Variants in NTM observed in about 807,000 individuals in gnomAD.
NTM encodes IgLON family member 2.
Under a neutral mutation model 42.1 loss-of-function variants are expected in NTM, and 13 were observed. That is an observed-to-expected ratio of 0.31 (90% confidence interval 0.20 to 0.49). The LOEUF is 0.49. Ranked by LOEUF, NTM falls within the 20% of genes least tolerant of loss-of-function variation. The pLI is 0.99. For missense variants in NTM, 373 were observed against 452.8 expected (o/e 0.82, Z 1.60); for synonymous variants, 187 against 179.2 (o/e 1.04, Z -0.35).
At chr11:131,668,163 T>C (rs1049631156) in intron 1 of NTM, among the ~76,000 whole-genome samples, 8 of 152,136 alleles carry the variant, frequency 5.3e-5, no homozygotes, top group Non-Finnish European at 1.2e-4. Flanking sequence ...GGGCTGTTAG[T>C]GTCTATATTA....
At chr11:132,021,956 A>G (rs1295945365) in intron 2 of NTM, among the ~76,000 whole-genome samples, 1 of 152,230 alleles carries the variant, frequency 6.6e-6, no homozygotes, top group Non-Finnish European at 1.5e-5. Context: ...GTGTGTTTGC[A>G]TGCAGATTTG....
chr11:131,894,565 C>T (rs974712374), intron 1 of NTM, among the ~76,000 whole-genome samples: 3 of 152,120 alleles, frequency 2.0e-5, no homozygotes, highest in Non-Finnish European at 2.9e-5. Context: ...TCAGATGTGC[C>T]GTGACACTGC....
At chr11:131,992,498 A>G (rs1027855150) in intron 2 of NTM, among the ~76,000 whole-genome samples, 19 of 151,976 alleles carry the variant, frequency 1.3e-4, no homozygotes, top group African/African-American at 4.3e-4. Flanking sequence ...TGAACATAAG[A>G]CTACAACTTT....
At chr11:131,377,845 G>A (rs916253115) in intron 1 of NTM, among the ~76,000 whole-genome samples, 2 of 152,160 alleles carry the variant, frequency 1.3e-5, no homozygotes, top group African/African-American at 2.4e-5. Context: ...TTTCCATCAC[G>A]GTGGTGGTGA....
intron 2 of NTM, among the ~76,000 whole-genome samples, chr11:131,927,214 A>C (rs550454506): frequency 2.0e-4 from 31 of 152,248 alleles, no homozygotes; most frequent in African/African-American, 7.0e-4. Flanking sequence ...TTTGTGGCTG[A>C]AAATTTAACA....
chr11:131,916,859 C>T (rs921494893), intron 2 of NTM, among the ~76,000 whole-genome samples: 7 of 152,224 alleles, frequency 4.6e-5, no homozygotes, highest in Non-Finnish European at 1.0e-4. Flanking sequence ...CTTATTCCAG[C>T]TGCAAAGCGT....
intron 1 of NTM, chr11:131,385,165 A>ATCCCCTG (rs1265980419): frequency 6.6e-6 from 1 of 152,210 alleles, no homozygotes; most frequent in African/African-American, 2.4e-5. Context: ...GAGACTCACA[A>ATCCCCTG]TCCCCTGTGG....
intron 1 of NTM, among the ~76,000 whole-genome samples, chr11:131,423,199 T>G (rs547083772): frequency 9.2e-5 from 14 of 152,344 alleles, no homozygotes; most frequent in African/African-American, 3.4e-4. Flanking sequence ...TCCTTTCACT[T>G]ATTACTTAGA....
At chr11:131,404,280 T>C (rs1945568930) in intron 1 of NTM, among the ~76,000 whole-genome samples, 1 of 152,232 alleles carries the variant, frequency 6.6e-6, no homozygotes, top group Non-Finnish European at 1.5e-5. Flanking sequence ...CCAAGTGCAG[T>C]GCTCAATTTC....
chr11:131,781,372 A>G (rs1337855336), intron 1 of NTM, among the ~76,000 whole-genome samples: 1 of 152,174 alleles, frequency 6.6e-6, no homozygotes, highest in Non-Finnish European at 1.5e-5. Context: ...TAATATTCAA[A>G]TAATAAATAA....
At chr11:131,678,846 G>C (rs879389673) in intron 1 of NTM, among the ~76,000 whole-genome samples, 48 of 152,260 alleles carry the variant, frequency 3.2e-4, no homozygotes, top group Non-Finnish European at 5.9e-5. Flanking sequence ...AAGGCTGTCC[G>C]GGACGGGGCC....
intron 2 of NTM, among the ~76,000 whole-genome samples, chr11:132,014,155 C>G (rs1303349181): frequency 1.3e-5 from 2 of 152,052 alleles, no homozygotes; most frequent in Non-Finnish European, 1.5e-5. Flanking sequence ...ATTTGTCTTT[C>G]TGTGCCTGAC....
intron 1 of NTM, among the ~76,000 whole-genome samples, chr11:131,668,679 T>C (rs1206318971): frequency 6.6e-6 from 1 of 152,166 alleles, no homozygotes; most frequent in African/African-American, 2.4e-5. Flanking sequence ...TTTCTCCCTG[T>C]CATTGAACTC....
chr11:131,678,252 C>T (rs140171277), intron 1 of NTM, among the ~76,000 whole-genome samples: 56 of 152,348 alleles, frequency 3.7e-4, no homozygotes, highest in Middle Eastern at 3.4e-3. Flanking sequence ...ACACCCTGGG[C>T]ACTCGTGAGT....
chr11:131,982,575 C>T (rs190405024), intron 2 of NTM, among the ~76,000 whole-genome samples: 1 of 152,018 alleles, frequency 6.6e-6, no homozygotes, highest in Admixed American at 6.5e-5. Context: ...GGGTCTGTCC[C>T]GTGTATGTGC....
intron 7 of NTM, among the ~76,000 whole-genome samples, chr11:132,318,341 T>C (rs2095483358): frequency 6.6e-6 from 1 of 152,144 alleles, no homozygotes; most frequent in Non-Finnish European, 1.5e-5. Context: ...CAACAGTCAA[T>C]GGAGAATGCA....
chr11:131,743,727 C>T (rs1052041541), intron 1 of NTM, among the ~76,000 whole-genome samples: 5 of 152,146 alleles, frequency 3.3e-5, no homozygotes, highest in Admixed American at 6.6e-5. Context: ...AATAGGAGGT[C>T]GTGTGAAACA....
At chr11:131,634,635 C>A (rs1282798191) in intron 1 of NTM, among the ~76,000 whole-genome samples, 3 of 89,920 alleles carry the variant, frequency 3.3e-5, no homozygotes, top group African/African-American at 6.2e-5. Flanking sequence ...CAAGGACAAC[C>A]CACTAGAAAA....
chr11:132,320,598 G>A (rs1403031004), intron 7 of NTM, among the ~76,000 whole-genome samples: 2 of 152,204 alleles, frequency 1.3e-5, no homozygotes, highest in Non-Finnish European at 2.9e-5. Context: ...GAGGCTGGGG[G>A]AGGGGTGCCC....
Sources: gnomAD v4.1 joint callset for allele counts (sites outside exome capture counted in the v4.1 genomes callset) on GRCh38, gnomAD v4.1.1 for gene constraint, MANE v1.5 for transcripts, NCBI Gene and HGNC (gene_info 2026-07-23, HGNC 2026-07-21) for gene names.